ERBB4: variants seen among roughly 807,000 people sequenced by gnomAD.
The protein encoded by ERBB4 is erb-b2 receptor tyrosine kinase 4, also known as receptor tyrosine-protein kinase erbB-4.
Under a neutral mutation model 158.0 loss-of-function variants are expected in ERBB4, and 42 were observed. The ratio of observed to expected loss-of-function variants is 0.27; its 90% CI spans 0.21 to 0.34. The LOEUF (loss-of-function observed/expected upper bound fraction) is 0.34, where lower values mean the gene tolerates loss of function less well. Among genes scored for constraint, ERBB4 ranks in the 10% least tolerant of loss-of-function variants. ERBB4 has a pLI of 1.00. For synonymous variants in ERBB4, 583 were observed against 558.7 expected (o/e 1.04, Z -0.61); for missense variants, 1,333 against 1,624.1 (o/e 0.82, Z 3.08).
intron 2 of ERBB4, among the ~76,000 whole-genome samples, chr2:211,972,860 T>C (rs996946937): frequency 2.0e-5 from 3 of 152,178 alleles, no homozygotes; most frequent in African/African-American, 7.2e-5. Flanking sequence ...GATTTCATGA[T>C]GAAGGCACCC....
intron 4 of ERBB4, among the ~76,000 whole-genome samples, chr2:211,772,115 G>A (rs2075705658): frequency 2.0e-5 from 3 of 152,062 alleles, no homozygotes; most frequent in African/African-American, 7.2e-5. Context: ...GAACCTGTAT[G>A]GTGGAAATAC....
intron 19 of ERBB4, among the ~76,000 whole-genome samples, chr2:211,589,527 C>T (rs1301143980): frequency 6.6e-6 from 1 of 152,142 alleles, no homozygotes; most frequent in Non-Finnish European, 1.5e-5. Context: ...AGCCATCAGT[C>T]TCTTCTTCAT....
At chr2:211,693,226 T>A (rs1242404232) in intron 12 of ERBB4, among the ~76,000 whole-genome samples, 1 of 152,130 alleles carries the variant, frequency 6.6e-6, no homozygotes, top group Non-Finnish European at 1.5e-5. Context: ...AGAAGAGATA[T>A]GTGTCAAAAA....
At chr2:211,658,991 G>A (rs768194134) in intron 15 of ERBB4, among the ~76,000 whole-genome samples, 47 of 151,716 alleles carry the variant, frequency 3.1e-4, no homozygotes, top group East Asian at 5.8e-4. Context: ...GCCTTATTTC[G>A]CTGGTAATAA....
intron 1 of ERBB4, among the ~76,000 whole-genome samples, chr2:212,214,045 C>T (rs1428159188): frequency 1.3e-5 from 2 of 151,832 alleles, no homozygotes; most frequent in African/African-American, 4.8e-5. Flanking sequence ...AAGAACACCT[C>T]ATGCTGACCT....
intron 16 of ERBB4, among the ~76,000 whole-genome samples, chr2:211,630,978 T>G (rs1267984756): frequency 6.6e-6 from 1 of 152,188 alleles, no homozygotes; most frequent in African/African-American, 2.4e-5. Context: ...GTAAGAATAT[T>G]GTTGTGGTTT....
At chr2:211,914,706 T>C (rs959082309) in intron 3 of ERBB4, among the ~76,000 whole-genome samples, 4 of 152,138 alleles carry the variant, frequency 2.6e-5, no homozygotes, top group Admixed American at 6.5e-5. Flanking sequence ...CACATAAATA[T>C]ACTTTAAGAG....
intron 1 of ERBB4, among the ~76,000 whole-genome samples, chr2:212,462,488 C>A (rs1688624843): frequency 6.6e-6 from 1 of 151,936 alleles, no homozygotes; most frequent in Admixed American, 6.6e-5. Flanking sequence ...AAATGGCAAA[C>A]AAGCATATAA....
intron 1 of ERBB4, among the ~76,000 whole-genome samples, chr2:212,191,532 ATATATAACACATGTGTTATGCCTGT>A (rs1366478994): frequency 1.5e-5 from 2 of 134,758 alleles, no homozygotes; most frequent in African/African-American, 5.5e-5. Flanking sequence ...TATACCTGTT[ATATATAACACATGTGTTATGCCTGT>A]TATATATAAC....
At chr2:212,420,633 T>C (rs568956538) in intron 1 of ERBB4, among the ~76,000 whole-genome samples, 25 of 152,276 alleles carry the variant, frequency 1.6e-4, no homozygotes, top group African/African-American at 4.6e-4. Flanking sequence ...TATCCTCTTA[T>C]AGAAGTTTCT....
At chr2:212,489,000 C>A (rs895074000) in intron 1 of ERBB4, among the ~76,000 whole-genome samples, 1 of 149,084 alleles carries the variant, frequency 6.7e-6, no homozygotes, top group South Asian at 2.2e-4. Context: ...TAGGATACCC[C>A]CCAAAGAAGA....
rs540835814 is a variant in ERBB4, at chr2:212,182,596, A to G, written c.83-57693T>C. Among the ~76,000 whole-genome samples the G allele has an allele frequency of 2.6e-5, 4 of 151,898 alleles. No individual in the cohort carries two copies. The South Asian group carries it at 8.3e-4, about 32-fold the overall frequency. On this transcript the variant is annotated intron_variant, in intron 1 of 27. Coordinates refer to ENST00000342788, the MANE Select transcript of ERBB4 (RefSeq NM_005235.3). Reference sequence around the variant, plus strand: ...TTATTTGCATTTTTTATTAGTGAGCATATTTTATTTCAGTGGTGTCTTAGA... The same window carrying G: ...TTATTTGCATTTTTTATTAGTGAGCGTATTTTATTTCAGTGGTGTCTTAGA...
intron 22 of ERBB4, among the ~76,000 whole-genome samples, chr2:211,425,378 AAAT>A (rs1165464222): frequency 0.018 from 2,128 of 120,358 alleles, 53 homozygotes; most frequent in African/African-American, 0.12. Flanking sequence ...GTGGAATTTA[AAAT>A]TATTCTTTCT....
intron 2 of ERBB4, among the ~76,000 whole-genome samples, chr2:211,950,772 T>C (rs2080853121): frequency 6.6e-6 from 1 of 152,100 alleles, no homozygotes; most frequent in African/African-American, 2.4e-5. Flanking sequence ...CCTAGGACAA[T>C]AGAAAAGAGG....
chr2:211,862,702 TATATC>T (rs1427618025), intron 3 of ERBB4, among the ~76,000 whole-genome samples: 10 of 152,210 alleles, frequency 6.6e-5, no homozygotes, highest in Admixed American at 1.3e-4. Context: ...ATAAAACTGA[TATATC>T]AGATCATTAT....
In ERBB4 at chr2:211,847,930, G is replaced by C. The variant is rs10211351; in HGVS notation, c.422-59771C>G. On this transcript the variant is annotated intron_variant, in intron 3 of 27. Transcript: ENST00000342788. Reference sequence around the variant, plus strand: ...ATATGTGGTTATAGTAATTACTCTTGTTGCAGATAAGAAAACTAAGAAGTA... The same window carrying C: ...ATATGTGGTTATAGTAATTACTCTTCTTGCAGATAAGAAAACTAAGAAGTA... Among the ~76,000 whole-genome samples the C allele has an allele frequency of 3.1e-3, 471 of 152,136 alleles. 2 individuals are homozygous for C. The highest frequency in any genetic ancestry group is 0.011 in the African/African-American group (455 of 41,518).
chr2:212,042,299 T>C (rs2077160068), intron 2 of ERBB4, among the ~76,000 whole-genome samples: 3 of 152,132 alleles, frequency 2.0e-5, no homozygotes, highest in Non-Finnish European at 4.4e-5. Flanking sequence ...CTGATCTTTT[T>C]TGTTTTAAAG....
intron 1 of ERBB4, among the ~76,000 whole-genome samples, chr2:212,330,473 C>T (rs2888054): frequency 0.12 from 18,837 of 151,784 alleles, 1,311 homozygotes; most frequent in South Asian, 0.22. Flanking sequence ...TAAAACAAAG[C>T]AGGCATGGTG....
At chr2:212,428,770 G>T (rs1311323304) in intron 1 of ERBB4, among the ~76,000 whole-genome samples, 1 of 152,060 alleles carries the variant, frequency 6.6e-6, no homozygotes, top group Non-Finnish European at 1.5e-5. Context: ...GTTTTGGGTT[G>T]AGCCCATGCA....
Sources: allele counts gnomAD v4.1 joint callset (sites outside exome capture counted in the v4.1 genomes callset), GRCh38; gene constraint gnomAD v4.1.1; transcripts MANE v1.5; gene names NCBI Gene and HGNC (gene_info 2026-07-23, HGNC 2026-07-21).